Variants in ZNF81 observed in about 807,000 individuals in gnomAD.
ZNF81 encodes the protein zinc finger protein 81.
Under a neutral mutation model 32.3 loss-of-function variants are expected in ZNF81, and 5 were observed. The observed-to-expected ratio is 0.15, with a 90% CI of 0.08 to 0.33. The LOEUF (loss-of-function observed/expected upper bound fraction) is 0.33, where lower values mean the gene tolerates loss of function less well. Among genes scored for constraint, ZNF81 ranks in the 10% least tolerant of loss-of-function variants. ZNF81 has a pLI of 1.00. For missense variants in ZNF81, 379 were observed against 479.8 expected, an observed-to-expected ratio of 0.79 and a Z score of 1.96; for synonymous variants, 163 against 166.8, an observed-to-expected ratio of 0.98 and a Z score of 0.17.
chrX:47,913,415 C>G (rs1473141619), intron 4 of ZNF81, among the ~76,000 whole-genome samples: 1 of 110,800 alleles, frequency 9.0e-6, no homozygotes, highest in Non-Finnish European at 1.9e-5. Flanking sequence ...GAGGCTGAGG[C>G]AGGAGGATCA....
At chrX:47,862,867 T>G (rs782277366) in intron 2 of ZNF81, among the ~76,000 whole-genome samples, 1 of 111,582 alleles carries the variant, frequency 9.0e-6, no homozygotes, top group Non-Finnish European at 1.9e-5. Context: ...TGTTTTTGCA[T>G]TCAGGGGAAG....
At chrX:47,858,184 A>G (rs782716907) in intron 2 of ZNF81, among the ~76,000 whole-genome samples, 5 of 112,023 alleles carry the variant, frequency 4.5e-5, no homozygotes, top group East Asian at 2.8e-4. Context: ...TATAAAATCT[A>G]TAATCCACCA....
In ZNF81 at chrX:47,922,162, C is replaced by G. The variant is rs1556892007; in HGVS notation, c.*5530C>G. On this transcript the variant is annotated 3_prime_UTR_variant, in exon 5 of 5. Coordinates refer to ENST00000338637, the MANE Select transcript of ZNF81 (RefSeq NM_007137.5). Reference sequence around the variant, plus strand: ...ATTATTTATTGCATTTCTTCCTCCACTATTCTTCTCTAACAGATGACCAAT... The same window carrying G: ...ATTATTTATTGCATTTCTTCCTCCAGTATTCTTCTCTAACAGATGACCAAT... 1 of 112,140 alleles carries G rather than the reference C, an allele frequency of 8.9e-6. No homozygotes were observed. Among genetic ancestry groups the G allele is most frequent in the African/African-American group, 3.2e-5 (1 of 30,870 alleles). The allele number at this position is 112,140 out of a possible 1,213,427, so 9.2% of individuals were successfully genotyped here.
At chrX:47,899,387 GTTA>G (rs1190806403) in intron 4 of ZNF81, among the ~76,000 whole-genome samples, 4 of 109,702 alleles carry the variant, frequency 3.6e-5, no homozygotes, top group Non-Finnish European at 7.6e-5. Context: ...TTTTTGTTCT[GTTA>G]TTATGGTGAA....
chrX:47,910,934 A>G (rs782305386), intron 4 of ZNF81, among the ~76,000 whole-genome samples: 2 of 110,379 alleles, frequency 1.8e-5, no homozygotes, highest in Non-Finnish European at 3.8e-5. Context: ...TTAGTCTCTC[A>G]TCTAGTTCCA....
intron 4 of ZNF81, among the ~76,000 whole-genome samples, chrX:47,899,991 A>G (rs2058692932): frequency 9.0e-6 from 1 of 111,548 alleles, no homozygotes; most frequent in African/African-American, 3.3e-5. Context: ...TCTATAATCT[A>G]TAACTCAGGT....
rs1556892491 is a variant in ZNF81, at chrX:47,925,083, AT to A, written c.*8453del. Among the ~76,000 whole-genome samples the A allele has an allele frequency of 9.0e-6, 1 of 111,618 alleles. No homozygotes were observed. Among genetic ancestry groups the A allele is most frequent in the African/African-American group, 3.3e-5 (1 of 30,746 alleles). ...TACCTGGAATATCATTATCAATCTA[AT>A]TCTATGATATATCCAGTCCATTTCC... On this transcript the variant is annotated 3_prime_UTR_variant, in exon 5 of 5. Coordinates refer to ENST00000338637, the MANE Select transcript of ZNF81 (RefSeq NM_007137.5).
At chrX:47,908,696 A>G (rs1459534993) in intron 4 of ZNF81, among the ~76,000 whole-genome samples, 1 of 112,544 alleles carries the variant, frequency 8.9e-6, no homozygotes, top group Non-Finnish European at 1.9e-5. Context: ...GATACTACAC[A>G]ACAATGAAAA....
chrX:47,852,176 T>C (rs182342267), intron 2 of ZNF81, among the ~76,000 whole-genome samples: 7 of 112,699 alleles, frequency 6.2e-5, no homozygotes, highest in African/African-American at 2.3e-4. Context: ...TTAAAAATAC[T>C]ACTACAAAAT....
chrX:47,837,599 G>A (rs1556879262), intron 1 of ZNF81, among the ~76,000 whole-genome samples: 1 of 111,865 alleles, frequency 8.9e-6, no homozygotes, highest in Non-Finnish European at 1.9e-5. Context: ...CCAGACTGAA[G>A]CACCATTTGT....
At chrX:47,880,926 T>C (rs1380496021) in intron 2 of ZNF81, among the ~76,000 whole-genome samples, 1 of 111,945 alleles carries the variant, frequency 8.9e-6, no homozygotes, top group Non-Finnish European at 1.9e-5. Flanking sequence ...GTGGGGACTC[T>C]GCAGGGTCCT....
Position 47,922,244 on chromosome X carries a change from CAT to C in ZNF81, c.*5618_*5619del, listed in dbSNP as rs1324350926. On this transcript the variant is annotated 3_prime_UTR_variant, in exon 5 of 5. Transcript: ENST00000338637. ...TTAATCTCTGCTCTGTGCTCATAAT[CAT>C]ATATAGACATACATACGTTCCCATG... The C allele has an allele frequency of 8.9e-6, 1 of 112,073 alleles. No individual in the cohort carries two copies. Among genetic ancestry groups the C allele is most frequent in the Non-Finnish European group, 1.9e-5 (1 of 53,224 alleles). 9.2% of individuals were successfully genotyped at this position (112,073 alleles called of 1,213,427 possible).
At chrX:47,909,923 A>G (rs1259078807) in intron 4 of ZNF81, among the ~76,000 whole-genome samples, 103 of 110,451 alleles carry the variant, frequency 9.3e-4, no homozygotes, top group Non-Finnish European at 1.4e-3. Flanking sequence ...CCATGTCCCT[A>G]CAAAGGACAT....
At chrX:47,885,788 T>G (rs1411949255) in intron 2 of ZNF81, among the ~76,000 whole-genome samples, 1 of 112,103 alleles carries the variant, frequency 8.9e-6, no homozygotes, top group Non-Finnish European at 1.9e-5. Flanking sequence ...GTCATACCTC[T>G]TAATACTGTT....
At chrX:47,868,142 A>T (rs1423727906) in intron 2 of ZNF81, among the ~76,000 whole-genome samples, 1 of 111,477 alleles carries the variant, frequency 9.0e-6, no homozygotes, top group Non-Finnish European at 1.9e-5. Flanking sequence ...TGCTTGCATT[A>T]GTCTAAATCA....
Position 47,915,011 on chromosome X carries a change from A to T in ZNF81, c.365A>T (p.Asp122Val), listed in dbSNP as rs782570704. The change falls in exon 5 of 5, where the codon GAT becomes GTT. Residue 122 changes from aspartate (D) to valine (V), a missense_variant. Asp to Val is a radical substitution (Grantham distance 152, BLOSUM62 -3). Coordinates refer to ENST00000338637, the MANE Select transcript of ZNF81 (RefSeq NM_007137.5). ...GAAATGGAGGGTGAAGACACAAGAG[A>T]TGATTCATTATACTCTATTTTAGAA... ...HSEMEGEDTR[D>V]DSLYSILEEL... The T allele has an allele frequency of 4.1e-6, 5 of 1,206,652 alleles. No homozygotes were observed. The highest frequency in any genetic ancestry group is 4.4e-5 in the Admixed American group (2 of 45,361).
At chrX:47,838,330 A>G (rs1556879340) in intron 1 of ZNF81, among the ~76,000 whole-genome samples, 2 of 111,941 alleles carry the variant, frequency 1.8e-5, no homozygotes, top group African/African-American at 6.5e-5. Flanking sequence ...TACACTGGCA[A>G]GAAGTTCCAG....
chrX:47,883,640 G>C (rs2058629517), intron 2 of ZNF81, among the ~76,000 whole-genome samples: 1 of 112,064 alleles, frequency 8.9e-6, no homozygotes, highest in South Asian at 3.6e-4. Context: ...ACTTCTGTTA[G>C]GTTTATTTGG....
chrX:47,894,261 G>A (rs782279506), intron 3 of ZNF81, among the ~76,000 whole-genome samples: 1 of 111,442 alleles, frequency 9.0e-6, no homozygotes, highest in East Asian at 2.8e-4. Context: ...AGGCAGGTGA[G>A]GGTGATCAAA....
Sources: allele counts gnomAD v4.1 joint callset (sites outside exome capture counted in the v4.1 genomes callset), GRCh38; gene constraint gnomAD v4.1.1; transcripts MANE v1.5; gene names NCBI Gene and HGNC (gene_info 2026-07-23, HGNC 2026-07-21).